DLGAP2: variants seen among roughly 807,000 people sequenced by gnomAD.
The protein encoded by DLGAP2 is DLG associated protein 2.
Under a neutral mutation model 100.3 loss-of-function variants are expected in DLGAP2, and 26 were observed. The observed-to-expected ratio is 0.26, with a 90% CI of 0.19 to 0.36. DLGAP2 has a LOEUF of 0.36. DLGAP2 is among the 10% of genes least tolerant of loss of function. The pLI is 1.00. For synonymous variants in DLGAP2, 886 were observed against 630.1 expected, an observed-to-expected ratio of 1.41 and a Z score of -6.08; for missense variants, 1,858 against 1,453.2, an observed-to-expected ratio of 1.28 and a Z score of -4.53.
chr8:1,267,596 G>GA (rs1799487248), intron 3 of DLGAP2, among the ~76,000 whole-genome samples: 1 of 102,602 alleles, frequency 9.7e-6, no homozygotes, highest in African/African-American at 3.8e-5. Flanking sequence ...AATAAGATAA[G>GA]ATAAGATAAG....
chr8:1,594,452 A>G (rs1174967662), intron 6 of DLGAP2, among the ~76,000 whole-genome samples: 1 of 152,128 alleles, frequency 6.6e-6, no homozygotes, highest in African/African-American at 2.4e-5. Context: ...TGACCTGAAA[A>G]TTTTACTGGA....
chr8:918,074 G>A (rs1798633118), intron 2 of DLGAP2, among the ~76,000 whole-genome samples: 1 of 152,190 alleles, frequency 6.6e-6, no homozygotes, highest in Non-Finnish European at 1.5e-5. Flanking sequence ...TGCAATTTGG[G>A]AGCTACGGGT....
At chr8:892,523 G>C (rs1014846178) in intron 1 of DLGAP2, among the ~76,000 whole-genome samples, 2 of 152,054 alleles carry the variant, frequency 1.3e-5, no homozygotes, top group South Asian at 4.1e-4. Context: ...AAAGTAGAAT[G>C]GGGGGTGCCA....
intron 3 of DLGAP2, among the ~76,000 whole-genome samples, chr8:1,358,105 G>T (rs1801897821): frequency 6.6e-6 from 1 of 152,174 alleles, no homozygotes; most frequent in African/African-American, 2.4e-5. Flanking sequence ...GGAGGAAGTT[G>T]GGTAGAAGTG....
intron 3 of DLGAP2, among the ~76,000 whole-genome samples, chr8:1,264,733 T>A (rs779587776): frequency 6.6e-6 from 1 of 152,168 alleles, no homozygotes; most frequent in African/African-American, 2.4e-5. Context: ...ATAACCCATA[T>A]AAAGAAACTT....
rs184842915 is a variant in DLGAP2 at position 1,301,354 on chromosome 8, G to C, written c.106+42471G>C. ...CATCATGCTCGAGCTCCGGGGCCTA[G>C]GAGGCATGGAAAAGCTCATCTCTGC... On this transcript the variant is annotated intron_variant, in intron 3 of 14. Transcript: ENST00000637795. 2.1e-3 allele frequency: 314 copies of C among 152,368 alleles called. 1 individual carries two copies. The highest frequency in any genetic ancestry group is 7.5e-3 in the African/African-American group (310 of 41,582). The allele number at this position is 152,368 out of a possible 1,614,324, so 9.4% of individuals were successfully genotyped here.
chr8:1,523,453 C>T (rs993801661), intron 4 of DLGAP2, among the ~76,000 whole-genome samples: 3 of 152,218 alleles, frequency 2.0e-5, no homozygotes, highest in Non-Finnish European at 4.4e-5. Flanking sequence ...CGCAGACACA[C>T]GGAGCCCCAA....
chr8:961,226 C>T (rs928349396), intron 2 of DLGAP2, among the ~76,000 whole-genome samples: 6 of 152,248 alleles, frequency 3.9e-5, no homozygotes, highest in Non-Finnish European at 8.8e-5. Flanking sequence ...CCACTGACTT[C>T]TATCATGTGG....
Position 1,252,410 on chromosome 8 carries a change from C to T in DLGAP2, c.74-6441C>T, listed in dbSNP as rs182572926. Among the ~76,000 whole-genome samples the T allele has an allele frequency of 7.6e-3, 1,150 of 151,012 alleles. 6 individuals carry two copies. The highest frequency in any genetic ancestry group is 0.012 in the Non-Finnish European group (817 of 67,696). Reference sequence around the variant, plus strand: ...GGGTGTGTTGTGTTGTCCTGGGTGACGGTGTCACAGTCATGTCATGCCACA... The same window carrying T: ...GGGTGTGTTGTGTTGTCCTGGGTGATGGTGTCACAGTCATGTCATGCCACA... On this transcript the variant is annotated intron_variant, in intron 2 of 14. Coordinates refer to ENST00000637795, the MANE Select transcript of DLGAP2 (RefSeq NM_001346810.2).
chr8:1,297,807 G>A (rs1168158170), intron 3 of DLGAP2, among the ~76,000 whole-genome samples: 4 of 84,456 alleles, frequency 4.7e-5, no homozygotes, highest in African/African-American at 1.7e-4. Context: ...GAGGAGAAAC[G>A]TGGCAGGCGT....
intron 1 of DLGAP2, among the ~76,000 whole-genome samples, chr8:878,876 A>C (rs989110626): frequency 6.6e-6 from 1 of 152,166 alleles, no homozygotes; most frequent in African/African-American, 2.4e-5. Context: ...CTTCGCAGAC[A>C]CTAGAATCAT....
chr8:1,339,348 C>T (rs564844342), intron 3 of DLGAP2, among the ~76,000 whole-genome samples: 4 of 147,098 alleles, frequency 2.7e-5, no homozygotes, highest in Admixed American at 6.8e-5. Context: ...CATGAGGACC[C>T]GGGAGGGAAT....
intron 2 of DLGAP2, among the ~76,000 whole-genome samples, chr8:1,187,739 T>C (rs1426091776): frequency 3.3e-3 from 244 of 73,274 alleles, no homozygotes; most frequent in Middle Eastern, 0.013. Context: ...CGCCCGAGAC[T>C]TCCGTGACGT....
chr8:1,289,805 G>T (rs1800019696), intron 3 of DLGAP2, among the ~76,000 whole-genome samples: 1 of 152,228 alleles, frequency 6.6e-6, no homozygotes, highest in Admixed American at 6.5e-5. Flanking sequence ...AGGAGGAGGA[G>T]AACCTGCTCA....
Position 1,706,095 on chromosome 8 carries a change from T to A in DLGAP2, c.*4689T>A, listed in dbSNP as rs1478330207. On this transcript the variant is annotated 3_prime_UTR_variant, in exon 15 of 15. Coordinates refer to ENST00000637795, the MANE Select transcript of DLGAP2 (RefSeq NM_001346810.2). ...AATACATTGTTGGCCATAAACAAAG[T>A]GCTAAAGGAAAGGGTTTGCTTCTAC... 2.0e-5 allele frequency: 3 copies of A among 152,188 alleles called. No homozygotes were observed. The highest frequency in any genetic ancestry group is 1.3e-4 in the Admixed American group (2 of 15,284). 9.4% of individuals were successfully genotyped at this position (152,188 alleles called of 1,614,324 possible).
intron 1 of DLGAP2, among the ~76,000 whole-genome samples, chr8:750,172 G>A (rs1373135910): frequency 2.6e-5 from 4 of 152,214 alleles, no homozygotes; most frequent in Non-Finnish European, 4.4e-5. Flanking sequence ...CTGCATGGGC[G>A]AACGTTCCTG....
chr8:1,695,893 G>T (rs995295834), intron 13 of DLGAP2, among the ~76,000 whole-genome samples: 1 of 152,232 alleles, frequency 6.6e-6, no homozygotes, highest in African/African-American at 2.4e-5. Flanking sequence ...GCTCCCAGCC[G>T]CTGGCCAGGG....
chr8:739,675 C>G (rs553069117), intron 1 of DLGAP2: 14 of 152,348 alleles, frequency 9.2e-5, no homozygotes, highest in African/African-American at 3.4e-4. Context: ...TTTCCAGTAG[C>G]CAAATTGTCT....
chr8:1,630,984 CGGGTGT>C (rs1797629678), intron 7 of DLGAP2, among the ~76,000 whole-genome samples: 1 of 103,454 alleles, frequency 9.7e-6, no homozygotes, highest in African/African-American at 3.0e-5. Context: ...GCGGGAGGTC[CGGGTGT>C]CCCGAGGGTC....
Sources: gnomAD v4.1 joint callset for allele counts (sites outside exome capture counted in the v4.1 genomes callset) on GRCh38, gnomAD v4.1.1 for gene constraint, MANE v1.5 for transcripts, NCBI Gene and HGNC (gene_info 2026-07-23, HGNC 2026-07-21) for gene names.